Variants in SKAP1 observed in about 807,000 individuals in gnomAD.
The protein encoded by SKAP1 is src kinase-associated phosphoprotein 1.
In SKAP1, 44 loss-of-function variants were observed where a neutral mutation model predicts 58.5. That is an observed-to-expected ratio of 0.75 (90% CI 0.59 to 0.97). The LOEUF (loss-of-function observed/expected upper bound fraction) is 0.97. SKAP1 is among the 50% of genes least tolerant of loss of function. SKAP1 has a pLI of 0.00. For missense variants in SKAP1, 390 were observed against 435.2 expected, an observed-to-expected ratio of 0.90 and a Z score of 0.92; for synonymous variants, 127 against 149.7, an observed-to-expected ratio of 0.85 and a Z score of 1.11.
At chr17:48,270,815 T>C (rs1216890615) in intron 4 of SKAP1, among the ~76,000 whole-genome samples, 1 of 152,194 alleles carries the variant, frequency 6.6e-6, no homozygotes, top group Non-Finnish European at 1.5e-5. Context: ...ACATTATAAT[T>C]TGTTTAACAA....
upstream of SKAP1, among the ~76,000 whole-genome samples, chr17:48,435,078 G>C (rs1247766157): frequency 6.6e-6 from 1 of 152,160 alleles, no homozygotes; most frequent in East Asian, 1.9e-4. Context: ...TTGAGCCCAG[G>C]AGTTCGAGGT....
At chr17:48,407,578 G>A (rs1007977268) in intron 1 of SKAP1, among the ~76,000 whole-genome samples, 1 of 152,172 alleles carries the variant, frequency 6.6e-6, no homozygotes, top group African/African-American at 2.4e-5. Context: ...GCGGGGAAAG[G>A]CCAGGTGCAG....
chr17:48,325,668 A>G (rs777439928), intron 4 of SKAP1, among the ~76,000 whole-genome samples: 2 of 152,248 alleles, frequency 1.3e-5, no homozygotes, highest in Non-Finnish European at 2.9e-5. Context: ...TTAATAAAGT[A>G]TCTAATGTCA....
intron 2 of SKAP1, among the ~76,000 whole-genome samples, chr17:48,385,089 A>G (rs1044187901): frequency 3.9e-5 from 6 of 152,200 alleles, no homozygotes; most frequent in African/African-American, 1.4e-4. Flanking sequence ...CATTTATGAG[A>G]AAAAGGATGT....
intron 11 of SKAP1, among the ~76,000 whole-genome samples, chr17:48,146,406 T>C (rs537582979): frequency 7.3e-5 from 11 of 151,468 alleles, no homozygotes; most frequent in African/African-American, 2.4e-4. Context: ...GGCAGGATAA[T>C]CGCTTGAACC....
At chr17:48,327,049 C>A (rs1170065993) in intron 4 of SKAP1, among the ~76,000 whole-genome samples, 1 of 152,068 alleles carries the variant, frequency 6.6e-6, no homozygotes, top group African/African-American at 2.4e-5. Flanking sequence ...CGCCACCATG[C>A]CTTGCTAATT....
chr17:48,225,912 A>G (rs937900317), intron 4 of SKAP1, among the ~76,000 whole-genome samples: 1 of 152,238 alleles, frequency 6.6e-6, no homozygotes, highest in Non-Finnish European at 1.5e-5. Flanking sequence ...TCATCATGCC[A>G]GGAGCTGTCC....
chr17:48,232,082 A>G (rs1255895896), intron 4 of SKAP1, among the ~76,000 whole-genome samples: 1 of 151,882 alleles, frequency 6.6e-6, no homozygotes, highest in East Asian at 1.9e-4. Context: ...CAAACCACAT[A>G]GGTGCCTCTT....
intron 1 of SKAP1, among the ~76,000 whole-genome samples, chr17:48,410,985 A>AGCTC (rs1024395118): frequency 1.3e-4 from 20 of 151,444 alleles, no homozygotes; most frequent in African/African-American, 4.1e-4. Context: ...CAACTGAAAG[A>AGCTC]GCTCCCAGTG....
intron 11 of SKAP1, among the ~76,000 whole-genome samples, chr17:48,153,647 C>A (rs1300697072): frequency 3.3e-5 from 5 of 152,124 alleles, no homozygotes; most frequent in Non-Finnish European, 5.9e-5. Flanking sequence ...AGGATCCCCT[C>A]ACCCACCCCT....
At chr17:48,251,560 T>A (rs1156971449) in intron 4 of SKAP1, among the ~76,000 whole-genome samples, 1 of 152,246 alleles carries the variant, frequency 6.6e-6, no homozygotes, top group East Asian at 1.9e-4. Context: ...CATTTATCTT[T>A]AATGACTTTT....
chr17:48,228,822 A>G (rs2065097064), intron 4 of SKAP1, among the ~76,000 whole-genome samples: 1 of 152,110 alleles, frequency 6.6e-6, no homozygotes, highest in African/African-American at 2.4e-5. Context: ...ATTTTGGAAA[A>G]CTGAAGAGAG....
chr17:48,287,075 C>T (rs549983840), intron 4 of SKAP1, among the ~76,000 whole-genome samples: 4 of 150,060 alleles, frequency 2.7e-5, no homozygotes, highest in African/African-American at 9.9e-5. Context: ...CAGCTCTGGG[C>T]GACAGAGCAA....
chr17:48,213,001 T>G (rs1054462113), intron 4 of SKAP1, among the ~76,000 whole-genome samples: 1 of 152,140 alleles, frequency 6.6e-6, no homozygotes, highest in African/African-American at 2.4e-5. Context: ...GCATGCTTCT[T>G]AAAATGGGGG....
intron 3 of SKAP1, among the ~76,000 whole-genome samples, chr17:48,347,848 A>AT (rs2066743425): frequency 6.6e-6 from 1 of 152,220 alleles, no homozygotes; most frequent in Non-Finnish European, 1.5e-5. Flanking sequence ...CTGCCTGGCT[A>AT]GTAACCTGAA....
At chr17:48,351,805 A>G (rs748379501) in intron 3 of SKAP1, among the ~76,000 whole-genome samples, 1 of 152,182 alleles carries the variant, frequency 6.6e-6, no homozygotes, top group Non-Finnish European at 1.5e-5. Context: ...AATTGATTAG[A>G]CACTCTTAGT....
intron 4 of SKAP1, among the ~76,000 whole-genome samples, chr17:48,214,921 C>CAAAATAAAATAAAATAAAATAAAAT: frequency 3.4e-5 from 1 of 28,990 alleles, no homozygotes; most frequent in Admixed American, 4.1e-4. Flanking sequence ...GACTCTGTCT[C>CAAAATAAAATAAAATAAAATAAAAT]AAAATAAAGT....
intron 4 of SKAP1, among the ~76,000 whole-genome samples, chr17:48,217,503 C>T (rs2064954442): frequency 6.6e-6 from 1 of 152,074 alleles, no homozygotes; most frequent in Admixed American, 6.5e-5. Flanking sequence ...AAAAATTAGC[C>T]TGGCCTGGTG....
At chr17:48,154,362 CCT>C (rs2063944091) in intron 11 of SKAP1, among the ~76,000 whole-genome samples, 1 of 152,196 alleles carries the variant, frequency 6.6e-6, no homozygotes, top group Admixed American at 6.5e-5. Context: ...TGTATGGCTC[CCT>C]GTTTCCACAT....
Sources: gnomAD v4.1 joint callset for allele counts (sites outside exome capture counted in the v4.1 genomes callset) on GRCh38, gnomAD v4.1.1 for gene constraint, MANE v1.5 for transcripts, NCBI Gene and HGNC (gene_info 2026-07-23, HGNC 2026-07-21) for gene names.